The following NSUN2 variants were observed in gnomAD, a reference collection of about 807,000 sequenced individuals.
NSUN2 encodes NOP2/Sun RNA methyltransferase 2, also known as RNA cytosine C(5)-methyltransferase NSUN2.
Under a neutral mutation model 92.7 loss-of-function variants are expected in NSUN2, and 63 were observed. The ratio of observed to expected loss-of-function variants is 0.68; its 90% CI spans 0.56 to 0.84. The LOEUF (loss-of-function observed/expected upper bound fraction) is 0.84, where lower values mean the gene tolerates loss of function less well. NSUN2 is among the 40% of genes least tolerant of loss of function. NSUN2 has a pLI of 0.00. For synonymous variants in NSUN2, 356 were observed against 348.3 expected (o/e 1.02, Z -0.25); for missense variants, 989 against 964.9 (o/e 1.02, Z -0.33).
chr5:6,603,366 T>C (rs1736630386), intron 17 of NSUN2, among the ~76,000 whole-genome samples: 1 of 152,228 alleles, frequency 6.6e-6, no homozygotes, highest in Non-Finnish European at 1.5e-5. Flanking sequence ...ATCTGCATGT[T>C]AGCCAGTCTC....
intron 8 of NSUN2, among the ~76,000 whole-genome samples, 160 bp from the exon 9 acceptor site, chr5:6,617,017 A>C (rs1737239843): frequency 6.6e-6 from 1 of 152,222 alleles, no homozygotes; most frequent in South Asian, 2.1e-4. Context: ...GTAAACTTAT[A>C]TAAAGTGTTT....
rs757843409 is a variant in NSUN2, at chr5:6,600,180, C to A, written c.2050G>T (p.Ala684Ser). 5 of 1,614,216 alleles carry A rather than the reference C, an allele frequency of 3.1e-6. No homozygotes were observed. Among genetic ancestry groups the A allele is most frequent in the Non-Finnish European group, 4.2e-6 (5 of 1,180,024 alleles). The change falls in exon 19 of 19, where the codon GCC becomes TCC. Residue 684 changes from alanine (A) to serine (S), a missense_variant. Transcript: ENST00000264670. ...PIVLCGWRGK[A>S]SIRTFVPKNE... ...TTGGGCACAAAAGTTCGAATGGAGG[C>A]CTTTCCCCGCCATCCGCATAAGACG...
At chr5:6,605,700 CTTT>C (rs879418991) in intron 14 of NSUN2, among the ~76,000 whole-genome samples, 24 of 144,930 alleles carry the variant, frequency 1.7e-4, no homozygotes, top group African/African-American at 6.1e-4. Context: ...ACTTTTGAGA[CTTT>C]TTTTTTTTTT....
In NSUN2 at chr5:6,625,613, G is replaced by T. The variant is rs750141088; in HGVS notation, c.416C>A (p.Ser139Ter). 1 of 1,614,032 alleles carries T rather than the reference G, an allele frequency of 6.2e-7. No homozygotes were observed. Among genetic ancestry groups the T allele is most frequent in the African/African-American group, 1.3e-5 (1 of 74,930 alleles). The change falls in exon 4 of 19, where the codon TCG becomes TAG. Residue 139 changes from serine (S) to a stop codon, truncating the protein, a stop_gained. Coordinates refer to ENST00000264670, the MANE Select transcript of NSUN2 (RefSeq NM_017755.6). LOFTEE classifies it high-confidence loss of function. ...TNLSRKILRK[S>*]PHLEKFHQFL... ...CTGATGAAACTTTTCCAAGTGTGGC[G>T]ATTTTCTCAAGATTTTTCGACTTAA...
At chr5:6,617,711 G>T (rs1036373409) in intron 8 of NSUN2, among the ~76,000 whole-genome samples, 1 of 152,216 alleles carries the variant, frequency 6.6e-6, no homozygotes, top group Non-Finnish European at 1.5e-5. Flanking sequence ...CTGAAGTGTT[G>T]CAAGAAATTT....
intron 8 of NSUN2, among the ~76,000 whole-genome samples, chr5:6,617,104 G>C (rs1488328479): frequency 6.6e-6 from 1 of 152,144 alleles, no homozygotes; most frequent in Non-Finnish European, 1.5e-5. Context: ...AACCAGCAGA[G>C]TATAAAGTTC....
chr5:6,607,868 C>A (rs1008795764), intron 12 of NSUN2, among the ~76,000 whole-genome samples: 1 of 152,192 alleles, frequency 6.6e-6, no homozygotes, highest in African/African-American at 2.4e-5. Flanking sequence ...GTGCCCCAGG[C>A]ACCAAGGAAA....
At position 6,607,256 on chromosome 5, in the gene NSUN2, T is replaced by C. The variant is rs1462199426; in HGVS notation, c.1452A>G (p.Ile484Met). 6 of 1,614,122 alleles carry C rather than the reference T, an allele frequency of 3.7e-6. No individual in the cohort carries two copies. The South Asian group carries it at 5.5e-5, about 15-fold the overall frequency. Residue 484 changes from isoleucine to methionine, a missense_variant, in exon 13 of 19, where the codon ATA (isoleucine) becomes ATG (methionine). Coordinates refer to ENST00000264670, the MANE Select transcript of NSUN2 (RefSeq NM_017755.6). ...PSFTGTGDTE[I>M]AHATEDLENN... is the part of the protein sequence containing the mutation. ...TCTCTAAATCCTCAGTTGCATGAGC[T>C]ATTTCTGTGTCACCAGTTCCTGTGA...
intron 11 of NSUN2, 36 bp downstream of exon 11, chr5:6,610,919 C>T: frequency 6.2e-7 from 1 of 1,610,434 alleles, no homozygotes; most frequent in Non-Finnish European, 8.5e-7. Context: ...GCTTAACCTT[C>T]CCCCCTCCCC....
intron 12 of NSUN2, among the ~76,000 whole-genome samples, chr5:6,607,852 G>C (rs932719718): frequency 5.9e-5 from 9 of 152,220 alleles, no homozygotes; most frequent in Admixed American, 1.3e-4. Context: ...CTGGGAGAAA[G>C]AGAGAGTGCC....
intron 9 of NSUN2, among the ~76,000 whole-genome samples, chr5:6,613,940 T>C (rs1401304942): frequency 1.3e-5 from 2 of 151,628 alleles, no homozygotes; most frequent in South Asian, 4.2e-4. Flanking sequence ...CTACTAAAAA[T>C]ACAAAAATTG....
intron 18 of NSUN2, among the ~76,000 whole-genome samples, chr5:6,600,524 T>A (rs1017607636): frequency 5.9e-5 from 9 of 152,090 alleles, no homozygotes; most frequent in African/African-American, 2.2e-4. Flanking sequence ...TCTACATACT[T>A]CCTTCTCAAA....
intron 9 of NSUN2, among the ~76,000 whole-genome samples, chr5:6,615,711 G>A (rs1361373187): frequency 1.3e-5 from 2 of 152,224 alleles, no homozygotes; most frequent in Non-Finnish European, 2.9e-5. Context: ...CACTGCCCAG[G>A]AAAGGCCTCT....
chr5:6,605,177 C>T (rs1213698478), intron 15 of NSUN2, 96 bp downstream of exon 15: 1 of 1,510,532 alleles, frequency 6.6e-7, no homozygotes, highest in Admixed American at 1.9e-5. Flanking sequence ...GTGGGGAGGG[C>T]AGATGTCACG....
intron 6 of NSUN2, chr5:6,621,105 A>C (rs3756423): frequency 0.18 from 27,014 of 152,140 alleles, 2,912 homozygotes; most frequent in East Asian, 0.48. Flanking sequence ...AGATAGGACG[A>C]GATGAAAGCT....
intron 12 of NSUN2, among the ~76,000 whole-genome samples, chr5:6,609,033 C>A (rs372642269): frequency 6.6e-6 from 1 of 152,182 alleles, no homozygotes; most frequent in African/African-American, 2.4e-5. Flanking sequence ...TACGTTCCAA[C>A]GTTAAACTGC....
chr5:6,625,729 A>G (rs897383304), intron 3 of NSUN2, 60 bp from the exon 4 acceptor site: 8 of 1,232,324 alleles, frequency 6.5e-6, no homozygotes, highest in Non-Finnish European at 8.3e-6. Flanking sequence ...TCTGTTGACA[A>G]CTTTGTGCTT....
intron 6 of NSUN2, 73 bp from the exon 7 acceptor site, chr5:6,620,371 C>T: frequency 8.5e-7 from 1 of 1,178,534 alleles, no homozygotes; most frequent in South Asian, 1.8e-5. Context: ...ATGCGACCTC[C>T]AAAGGTCAGC....
rs374187126 is a variant in NSUN2, at chr5:6,604,300, G to A, written c.1819-24C>T. On this transcript the variant is annotated intron_variant, in intron 16 of 18. Coordinates refer to ENST00000264670, the MANE Select transcript of NSUN2 (RefSeq NM_017755.6). ...CCCTGTGTGAATAAAGAGAATGAGA[G>A]AACAGATACCATGATGTCATTCATG... is the stretch of plus-strand genomic sequence containing the variant. The A allele has an allele frequency of 3.5e-5, 55 of 1,574,180 alleles. No homozygotes were observed. The African/African-American group carries it at 5.8e-4, about 17-fold the overall frequency.
Sources: allele counts gnomAD v4.1 joint callset (sites outside exome capture counted in the v4.1 genomes callset), GRCh38; gene constraint gnomAD v4.1.1; transcripts MANE v1.5; gene names NCBI Gene and HGNC (gene_info 2026-07-23, HGNC 2026-07-21).